The following PDE4D variants were observed in gnomAD, a reference collection of about 807,000 sequenced individuals.
PDE4D encodes phosphodiesterase 4D, also known as 3',5'-cyclic-AMP phosphodiesterase 4D.
In PDE4D, 24 loss-of-function variants were observed where a neutral mutation model predicts 87.4. The observed-to-expected ratio is 0.27, with a 90% CI of 0.20 to 0.39. The LOEUF is 0.39. Among genes scored for constraint, PDE4D ranks in the 10% least tolerant of loss-of-function variants. The pLI, the probability that PDE4D is intolerant of heterozygous loss-of-function variation, is 1.00. For synonymous variants in PDE4D, 384 were observed against 383.2 expected (o/e 1.00, Z -0.02); for missense variants, 714 against 1,041.0 (o/e 0.69, Z 4.32).
intron 11 of PDE4D, among the ~76,000 whole-genome samples, chr5:58,982,825 C>G (rs7713069): frequency 0.82 from 124,031 of 152,136 alleles, 50,731 homozygotes; most frequent in Admixed American, 0.88. Context: ...GCTAGGGAAC[C>G]AAGTTGACTA....
At chr5:59,675,563 G>A (rs1747932353) in intron 1 of PDE4D, among the ~76,000 whole-genome samples, 1 of 152,182 alleles carries the variant, frequency 6.6e-6, no homozygotes, top group Non-Finnish European at 1.5e-5. Context: ...GCCTGAGCAA[G>A]TTACTGAACT....
intron 1 of PDE4D, among the ~76,000 whole-genome samples, chr5:60,520,312 T>C (rs542871299): frequency 5.3e-4 from 81 of 152,204 alleles, no homozygotes; most frequent in Non-Finnish European, 1.0e-3. Flanking sequence ...CTCTCCCATG[T>C]CAGACAGTAA....
chr5:60,203,408 G>A (rs1344837913), intron 1 of PDE4D, among the ~76,000 whole-genome samples: 2 of 152,144 alleles, frequency 1.3e-5, no homozygotes, highest in African/African-American at 4.8e-5. Context: ...GCTGACTGAG[G>A]AGCACAGATT....
intron 5 of PDE4D, among the ~76,000 whole-genome samples, chr5:59,142,836 G>A (rs1387313684): frequency 1.3e-5 from 2 of 152,180 alleles, no homozygotes; most frequent in Admixed American, 1.3e-4. Context: ...AGAATCGCTT[G>A]AAAGCAGGAG....
intron 6 of PDE4D, among the ~76,000 whole-genome samples, chr5:59,001,246 A>C (rs766420053): frequency 2.0e-5 from 3 of 152,092 alleles, no homozygotes; most frequent in Non-Finnish European, 2.9e-5. Context: ...AATTCTGTGC[A>C]TTTTACCTCC....
rs141194416 is a variant in PDE4D at position 60,158,472 on chromosome 5, A to G, written c.42+27085T>C. ...ATTGGAAGTTGCTCTGGGTGAGTCA[A>G]TGAGTGAGTGGTGAGTATGCCTGGG... is the stretch of plus-strand genomic sequence containing the variant. On this transcript the variant is annotated intron_variant, in intron 2 of 16. Transcript: ENST00000502484. 7.0e-3 allele frequency among the ~76,000 whole-genome samples: 1,062 copies of G among 152,340 alleles called. 13 individuals are homozygous for G. The highest frequency in any genetic ancestry group is 0.025 in the African/African-American group (1,021 of 41,574).
intron 1 of PDE4D, among the ~76,000 whole-genome samples, chr5:60,419,811 C>T (rs927906687): frequency 1.3e-5 from 2 of 152,200 alleles, no homozygotes; most frequent in Admixed American, 6.5e-5. Flanking sequence ...CAGTGGCTAA[C>T]AAGCCAATCC....
rs185570409 is a variant in PDE4D at position 59,736,168 on chromosome 5, T to C, written c.455+157000A>G. Among the ~76,000 whole-genome samples, 131 of 150,318 alleles carry C rather than the reference T, an allele frequency of 8.7e-4. 1 individual carries two copies. The highest frequency in any genetic ancestry group is 6.9e-3 in the Middle Eastern group (2 of 290). On this transcript the variant is annotated intron_variant, in intron 1 of 14. Coordinates refer to ENST00000340635, the MANE Select transcript of PDE4D (RefSeq NM_001104631.2). ...AAAAAAAAGAAAACAAACCAACAGA[T>C]AAACATTGATTCATCAGGTAGATAT...
At chr5:59,517,808 CA>C (rs541450599) in intron 1 of PDE4D, among the ~76,000 whole-genome samples, 2 of 152,026 alleles carry the variant, frequency 1.3e-5, no homozygotes, top group African/African-American at 4.8e-5. Context: ...AATCATACTG[CA>C]AAAAATGGTG....
chr5:59,551,314 A>C (rs899657412), intron 1 of PDE4D, among the ~76,000 whole-genome samples: 7 of 149,506 alleles, frequency 4.7e-5, no homozygotes, highest in African/African-American at 1.7e-4. Context: ...CTTTATTTAA[A>C]TAAATATTTA....
chr5:59,486,088 T>C (rs918012339), intron 1 of PDE4D, among the ~76,000 whole-genome samples: 1 of 152,128 alleles, frequency 6.6e-6, no homozygotes, highest in Admixed American at 6.6e-5. Flanking sequence ...ATATAAAATA[T>C]TTTTTCTGGA....
intron 1 of PDE4D, among the ~76,000 whole-genome samples, chr5:59,748,472 T>TA (rs1226867125): frequency 6.6e-6 from 1 of 151,942 alleles, no homozygotes; most frequent in Non-Finnish European, 1.5e-5. Context: ...TATGCAGCCA[T>TA]AAAAAAGGAT....
intron 1 of PDE4D, among the ~76,000 whole-genome samples, chr5:59,691,716 T>C (rs1050820458): frequency 2.2e-4 from 14 of 64,424 alleles, no homozygotes; most frequent in African/African-American, 8.4e-4. Flanking sequence ...ACTTAAAGTA[T>C]AATAAAAAAA....
chr5:59,685,070 G>T (rs187027136), intron 1 of PDE4D, among the ~76,000 whole-genome samples: 10 of 152,278 alleles, frequency 6.6e-5, no homozygotes, highest in Admixed American at 6.5e-4. Context: ...GAGTATGTAT[G>T]GAGTAAATAG....
At chr5:59,322,707 G>A (rs78914961) in intron 1 of PDE4D, among the ~76,000 whole-genome samples, 5,414 of 152,156 alleles carry the variant, frequency 0.036, 308 homozygotes, top group African/African-American at 0.12. Context: ...AACAGAATGT[G>A]GGCACAAATG....
At chr5:59,028,238 T>G (rs907995706) in intron 6 of PDE4D, among the ~76,000 whole-genome samples, 1 of 151,814 alleles carries the variant, frequency 6.6e-6, no homozygotes, top group African/African-American at 2.4e-5. Context: ...AGGATGAAAA[T>G]AAAGGAATAA....
intron 1 of PDE4D, among the ~76,000 whole-genome samples, chr5:59,458,940 T>G (rs1800323728): frequency 6.6e-6 from 1 of 152,222 alleles, no homozygotes; most frequent in Non-Finnish European, 1.5e-5. Flanking sequence ...TTAGAAAAAT[T>G]AACTACGAAG....
chr5:60,105,107 A>G (rs958729943), intron 2 of PDE4D, among the ~76,000 whole-genome samples: 18 of 152,334 alleles, frequency 1.2e-4, no homozygotes, highest in Admixed American at 3.9e-4. Flanking sequence ...GAAGTTGAAA[A>G]CTTTGAAAAA....
chr5:59,505,169 T>C (rs184409993), intron 1 of PDE4D, among the ~76,000 whole-genome samples: 171 of 152,234 alleles, frequency 1.1e-3, no homozygotes, highest in Non-Finnish European at 2.2e-3. Flanking sequence ...AGGTTATGCA[T>C]AGAAGCTAAC....
Sources: allele counts gnomAD v4.1 joint callset (sites outside exome capture counted in the v4.1 genomes callset), GRCh38; gene constraint gnomAD v4.1.1; transcripts MANE v1.5; gene names NCBI Gene and HGNC (gene_info 2026-07-23, HGNC 2026-07-21).